The following GRIK4 variants were observed in gnomAD, a reference collection of about 807,000 sequenced individuals.
GRIK4 encodes the protein glutamate receptor ionotropic, kainate 4.
Under a neutral mutation model 104.9 loss-of-function variants are expected in GRIK4, and 40 were observed. The ratio of observed to expected loss-of-function variants is 0.38; its 90% CI spans 0.30 to 0.50. The LOEUF (loss-of-function observed/expected upper bound fraction) is 0.50, where lower values mean the gene tolerates loss of function less well. Ranked by LOEUF, GRIK4 falls within the 20% of genes least tolerant of loss-of-function variation. The probability of loss-of-function intolerance (pLI) is 0.93; values close to 1 mark genes in which losing one functional copy is unlikely to be tolerated. For missense variants in GRIK4, 1,047 were observed against 1,308.1 expected, an observed-to-expected ratio of 0.80 and a Z score of 3.08; for synonymous variants, 485 against 524.9, an observed-to-expected ratio of 0.92 and a Z score of 1.04.
chr11:120,733,364 T>G (rs1352286278), intron 3 of GRIK4, among the ~76,000 whole-genome samples: 2 of 64,352 alleles, frequency 3.1e-5, no homozygotes, highest in Non-Finnish European at 7.1e-5. Context: ...ATTTTGTTAT[T>G]TTTTTTCTGT....
chr11:120,848,424 A>C (rs1476472870), intron 8 of GRIK4, among the ~76,000 whole-genome samples: 1 of 152,198 alleles, frequency 6.6e-6, no homozygotes, highest in Non-Finnish European at 1.5e-5. Context: ...CCACTGCCTT[A>C]CTTGGCTGGT....
chr11:120,552,160 G>C (rs906965283), intron 1 of GRIK4, among the ~76,000 whole-genome samples: 1 of 152,240 alleles, frequency 6.6e-6, no homozygotes, highest in Non-Finnish European at 1.5e-5. Context: ...ACTTGCAACT[G>C]GTGTCTGGCT....
At chr11:120,736,787 C>CA (rs1951231284) in intron 3 of GRIK4, among the ~76,000 whole-genome samples, 1 of 151,904 alleles carries the variant, frequency 6.6e-6, no homozygotes, top group Non-Finnish European at 1.5e-5. Context: ...TCTCTCCCCT[C>CA]ACCCTGCCCA....
In GRIK4 at chr11:120,960,915, A is replaced by G. The variant is rs1369474132; in HGVS notation, c.1881A>G (p.Ala627=). The part of the protein sequence containing the change: ...STRCVSGVWW[A]FTLIIISSYT... ...CTCGTCTTTTCCTACATAGGTGGGC[A>G]TTCACGCTGATCATCATCTCATCCT... is the stretch of plus-strand genomic sequence containing the variant. Residue 627 remains alanine, a synonymous_variant, in exon 17 of 21, where the codon GCA becomes GCG. Coordinates refer to ENST00000527524, the MANE Select transcript of GRIK4 (RefSeq NM_014619.5). 1 of 1,613,374 alleles carries G rather than the reference A, an allele frequency of 6.2e-7. No homozygotes were observed.
intron 18 of GRIK4, among the ~76,000 whole-genome samples, chr11:120,966,218 C>T (rs1270816331): frequency 1.3e-5 from 2 of 152,126 alleles, no homozygotes; most frequent in South Asian, 2.1e-4. Context: ...AGTGGGTTCT[C>T]GTGCACTCAG....
At chr11:120,600,682 A>T (rs1387049646) in intron 1 of GRIK4, among the ~76,000 whole-genome samples, 1 of 152,208 alleles carries the variant, frequency 6.6e-6, no homozygotes, top group East Asian at 1.9e-4. Context: ...CAGCATCACA[A>T]ATATGCATGG....
intron 3 of GRIK4, among the ~76,000 whole-genome samples, chr11:120,789,392 A>G (rs572441134): frequency 6.2e-4 from 93 of 150,870 alleles, no homozygotes; most frequent in Middle Eastern, 3.4e-3. Flanking sequence ...CCTCATCCCA[A>G]CCCCCACTGA....
rs1288978062 is a variant in GRIK4 at position 120,956,286 on chromosome 11, T to C, written c.1701-494T>C. Among the ~76,000 whole-genome samples, 4 of 151,866 alleles carry C rather than the reference T, an allele frequency of 2.6e-5. No individual in the cohort carries two copies. Among genetic ancestry groups the C allele is most frequent in the Admixed American group, 2.0e-4 (3 of 15,254 alleles). ...GTGGGATCTTGGCTCACTGCAGCCT[T>C]TACCTCCCGGACTCAAGTGATTCTC... On this transcript the variant is annotated intron_variant, in intron 15 of 20. Transcript: ENST00000527524. This position sits in a 1 kb window ranked among gnomAD's most constrained non-coding sequence, Gnocchi z 4.6.
At chr11:120,521,191 T>TC (rs1159979831) in intron 1 of GRIK4, among the ~76,000 whole-genome samples, 1 of 152,170 alleles carries the variant, frequency 6.6e-6, no homozygotes, top group African/African-American at 2.4e-5. Context: ...GTTCAACTGA[T>TC]CCTCCCAATA....
chr11:120,728,291 T>G (rs748504123), intron 3 of GRIK4, among the ~76,000 whole-genome samples: 2 of 152,160 alleles, frequency 1.3e-5, no homozygotes, highest in Non-Finnish European at 2.9e-5. Context: ...AAAGAAAATG[T>G]GAACATGAGC....
chr11:120,858,610 T>C (rs1485195560), intron 8 of GRIK4: 1 of 152,224 alleles, frequency 6.6e-6, no homozygotes, highest in Non-Finnish European at 1.5e-5. Context: ...AAGGCAGATA[T>C]AATATGCATT....
At chr11:120,655,158 G>A (rs1949686627) in intron 2 of GRIK4, among the ~76,000 whole-genome samples, 1 of 151,970 alleles carries the variant, frequency 6.6e-6, no homozygotes, top group Admixed American at 6.6e-5. Flanking sequence ...CGTTGTCATA[G>A]GTAGGATGTG....
At chr11:120,652,489 T>C (rs992501582) in intron 1 of GRIK4, among the ~76,000 whole-genome samples, 6 of 152,154 alleles carry the variant, frequency 3.9e-5, no homozygotes, top group Non-Finnish European at 7.4e-5. Context: ...TGGAGCAGAC[T>C]CACTCCCCTG....
intron 19 of GRIK4, among the ~76,000 whole-genome samples, chr11:120,980,695 A>G (rs192877407): frequency 2.6e-5 from 4 of 152,310 alleles, no homozygotes; most frequent in Non-Finnish European, 4.4e-5. Context: ...TTCAAAATAC[A>G]GGATTCCCAC....
Position 120,831,928 on chromosome 11 carries a change from C to T in GRIK4, c.588C>T (p.Asp196=). Reference sequence around the variant, plus strand: ...CGCTGTCCGTCCGCATGCTGGATGACACCCGGGACCCCACCCCGCTCCTCA... The same window carrying T: ...CGCTGTCCGTCCGCATGCTGGATGATACCCGGGACCCCACCCCGCTCCTCA... ...KDTLSVRMLD[D]TRDPTPLLKE... Residue 196 remains aspartate, a synonymous_variant, in exon 7 of 21, where the codon GAC becomes GAT. Transcript: ENST00000527524. 2 of 1,613,960 alleles carry T rather than the reference C, an allele frequency of 1.2e-6. No individual in the cohort carries two copies. The highest frequency in any genetic ancestry group is 8.5e-7 in the Non-Finnish European group (1 of 1,179,894).
intron 14 of GRIK4, among the ~76,000 whole-genome samples, chr11:120,949,957 G>A (rs1279687541): frequency 1.4e-5 from 2 of 140,548 alleles, no homozygotes; most frequent in African/African-American, 6.6e-5. Context: ...TTTGGGCTAA[G>A]GAAAATCAAT....
Position 120,548,606 on chromosome 11 carries a change from G to A in GRIK4, c.-159+36719G>A, listed in dbSNP as rs538808067. ...AGCACTGGGTTTTAAGAGAGTGAAT[G>A]GCCCGACATGATCCTTTTGACATTT... On this transcript the variant is annotated intron_variant, in intron 1 of 20. Coordinates refer to ENST00000527524, the MANE Select transcript of GRIK4 (RefSeq NM_014619.5). Among the ~76,000 whole-genome samples the A allele has an allele frequency of 7.6e-3, 1,164 of 152,220 alleles. 11 individuals carry two copies. Among genetic ancestry groups the A allele is most frequent in the Middle Eastern group, 0.014 (4 of 294 alleles).
At chr11:120,629,449 A>G (rs1173862978) in intron 1 of GRIK4, among the ~76,000 whole-genome samples, 2 of 152,130 alleles carry the variant, frequency 1.3e-5, no homozygotes, top group Non-Finnish European at 2.9e-5. Flanking sequence ...CGTTCCTGCC[A>G]CTGCTGGTAC....
chr11:120,878,438 G>A (rs1368622451), intron 11 of GRIK4, among the ~76,000 whole-genome samples: 1 of 152,154 alleles, frequency 6.6e-6, no homozygotes, highest in African/African-American at 2.4e-5. Context: ...TCTTCACAGA[G>A]ATTTTTTTCT....
Sources: gnomAD v4.1 joint callset for allele counts (sites outside exome capture counted in the v4.1 genomes callset) on GRCh38, gnomAD v4.1.1 for gene constraint, Gnocchi (gnomAD v3.1) non-coding constraint, MANE v1.5 for transcripts, NCBI Gene and HGNC (gene_info 2026-07-23, HGNC 2026-07-21) for gene names.